Variants in TUBGCP5 observed in about 807,000 individuals in gnomAD.
The protein encoded by TUBGCP5 is tubulin gamma complex component 5.
TUBGCP5 carries 98 observed loss-of-function variants against 134.7 expected under a neutral mutation model. The observed-to-expected ratio is 0.73, with a 90% confidence interval of 0.62 to 0.86. The LOEUF is 0.86. TUBGCP5 is among the 40% of genes least tolerant of loss of function. TUBGCP5 has a pLI of 0.00. For missense variants in TUBGCP5, 1,150 were observed against 1,244.8 expected (o/e 0.92, Z 1.15); for synonymous variants, 456 against 431.4 (o/e 1.06, Z -0.71).
intron 11 of TUBGCP5, among the ~76,000 whole-genome samples, chr15:23,021,038 G>A (rs956635336): frequency 1.3e-5 from 2 of 152,112 alleles, no homozygotes; most frequent in African/African-American, 2.4e-5. Flanking sequence ...ACAGGTGTTC[G>A]CCACCACACT....
At chr15:22,987,427 A>G (rs1292966819) in intron 23 of TUBGCP5, among the ~76,000 whole-genome samples, 5 of 152,018 alleles carry the variant, frequency 3.3e-5, no homozygotes, top group Non-Finnish European at 7.4e-5. Flanking sequence ...TGGCTCTGGT[A>G]AACTGAAAAA....
chr15:23,005,735 G>C, intron 18 of TUBGCP5, 125 bp from the exon 19 acceptor site: 1 of 1,028,724 alleles, frequency 9.7e-7, no homozygotes, highest in Non-Finnish European at 1.4e-6. Flanking sequence ...TGGCAGGGGT[G>C]GCAGGAACCG....
intron 6 of TUBGCP5, 24 bp from the exon 7 acceptor site, chr15:23,027,330 T>C: frequency 6.3e-7 from 1 of 1,598,096 alleles, no homozygotes; most frequent in Non-Finnish European, 8.6e-7. Flanking sequence ...ATGTAATCAG[T>C]TTGAGTTAAC....
chr15:23,036,316 T>G (rs2066589032), intron 3 of TUBGCP5, among the ~76,000 whole-genome samples: 1 of 152,164 alleles, frequency 6.6e-6, no homozygotes, highest in African/African-American at 2.4e-5. Context: ...CTGAGAGAAT[T>G]AACTGCATCC....
At chr15:22,994,310 G>C (rs2063972300), downstream of TUBGCP5, among the ~76,000 whole-genome samples, 1 of 151,776 alleles carries the variant, frequency 6.6e-6, no homozygotes, top group African/African-American at 2.4e-5. Context: ...GGTTGGTCTT[G>C]AACTCGTGAC....
At chr15:23,036,241 G>C (rs2066583127) in intron 3 of TUBGCP5, among the ~76,000 whole-genome samples, 1 of 152,134 alleles carries the variant, frequency 6.6e-6, no homozygotes, top group Non-Finnish European at 1.5e-5. Flanking sequence ...GGTCACCAAG[G>C]CTCAGCCGAG....
intron 7 of TUBGCP5, among the ~76,000 whole-genome samples, 162 bp from the exon 8 acceptor site, chr15:23,026,367 A>C (rs993981481): frequency 2.0e-5 from 3 of 152,208 alleles, no homozygotes; most frequent in Non-Finnish European, 4.4e-5. Flanking sequence ...TGTCAATCAG[A>C]ATACTCTGAG....
intron 16 of TUBGCP5, among the ~76,000 whole-genome samples, chr15:23,008,019 C>A (rs2064825842): frequency 6.6e-6 from 1 of 152,136 alleles, no homozygotes; most frequent in South Asian, 2.1e-4. Context: ...AGCACTGACT[C>A]CAGCCATGTG....
chr15:23,010,106 G>A lies in TUBGCP5; in HGVS notation c.1983C>T (p.His661=), dbSNP rs143728961. 3.7e-5 allele frequency: 60 copies of A among 1,613,708 alleles called. No homozygotes were observed. The East Asian group carries it at 5.6e-4, about 15-fold the overall frequency. Residue 661 remains histidine, a synonymous_variant, in exon 15 of 23, where the codon CAC becomes CAT. Coordinates refer to ENST00000615383, the MANE Select transcript of TUBGCP5 (RefSeq NM_052903.6). ...ATACATCACCACCAGCAAACTTCTC[G>A]TGAAAGTCACTCTGCTCCAAATACA... ...ARMYLEQSDF[H]EKFAGGDVCV...
intron 1 of TUBGCP5, among the ~76,000 whole-genome samples, chr15:23,037,996 C>A (rs1234335979): frequency 6.6e-6 from 1 of 152,156 alleles, no homozygotes; most frequent in Non-Finnish European, 1.5e-5. Context: ...GATCTCCTGA[C>A]CTCGTGATCC....
chr15:23,021,997 G>C lies in TUBGCP5; in HGVS notation c.1333C>G (p.Leu445Val), dbSNP rs144094013. 1 of 1,614,134 alleles carries C rather than the reference G, an allele frequency of 6.2e-7. No homozygotes were observed. The highest frequency in any genetic ancestry group is 2.2e-5 in the East Asian group (1 of 44,878). ...GCTTCTCCAACATTGTCATATTCAA[G>C]AATGGCCTTGTACAGGGTGTTAAGC... ...HLLNTLYKAI[L>V]EYDNVGEASE... Residue 445 changes from leucine (L) to valine (V), a missense_variant, in exon 11 of 23, where the codon CTT (leucine) becomes GTT (valine). Physicochemically the swap from Leu to Val is conservative, Grantham distance 32. Coordinates refer to ENST00000615383, the MANE Select transcript of TUBGCP5 (RefSeq NM_052903.6).
At chr15:22,995,409 C>T (rs776260590), downstream of TUBGCP5, among the ~76,000 whole-genome samples, 18 of 151,788 alleles carry the variant, frequency 1.2e-4, no homozygotes, top group Non-Finnish European at 1.8e-4. Flanking sequence ...TGTTCGTGGT[C>T]CCCCATAGGA....
chr15:23,021,857 C>G (rs1310967040), intron 11 of TUBGCP5, 102 bp downstream of exon 11: 4 of 1,255,938 alleles, frequency 3.2e-6, no homozygotes, highest in African/African-American at 3.0e-5. Flanking sequence ...AACTGTCTGA[C>G]GAGTCATCAT....
At chr15:23,026,348 A>G (rs892122614) in intron 7 of TUBGCP5, 143 bp from the exon 8 acceptor site, 4 of 647,264 alleles carry the variant, frequency 6.2e-6, no homozygotes. Flanking sequence ...AATGCCCCCT[A>G]TATTTTCATG....
chr15:22,995,638 C>T (rs1281093857), downstream of TUBGCP5, among the ~76,000 whole-genome samples: 2 of 151,976 alleles, frequency 1.3e-5, no homozygotes, highest in Non-Finnish European at 2.9e-5. Flanking sequence ...TCTGCATTTC[C>T]ACCAGTAATG....
chr15:23,025,244 G>A (rs930578975), intron 8 of TUBGCP5, among the ~76,000 whole-genome samples: 4 of 152,076 alleles, frequency 2.6e-5, no homozygotes, highest in Non-Finnish European at 5.9e-5. Context: ...GGGCAAAAAG[G>A]TCAGATAATA....
intron 2 of TUBGCP5, 34 bp downstream of exon 2, chr15:23,037,065 A>G (rs761879898): frequency 6.2e-7 from 1 of 1,603,730 alleles, no homozygotes; most frequent in Non-Finnish European, 8.5e-7. Context: ...AAATACATAT[A>G]TTTCTGGATG....
At chr15:23,008,260 C>A (rs1391386107) in intron 16 of TUBGCP5, among the ~76,000 whole-genome samples, 1 of 151,980 alleles carries the variant, frequency 6.6e-6, no homozygotes, top group Non-Finnish European at 1.5e-5. Flanking sequence ...TAGCTAGCCT[C>A]TGCCTCAATT....
chr15:22,989,958 G>T lies in TUBGCP5; in HGVS notation c.*62-6347C>A, dbSNP rs1317658227. Among the ~76,000 whole-genome samples, 3 of 152,070 alleles carry T rather than the reference G, an allele frequency of 2.0e-5. No homozygotes were observed. The East Asian group carries it at 5.8e-4, about 29-fold the overall frequency. Reference sequence around the variant, plus strand: ...AAGAACCCAACCACACGTCTCCCTGGTGCCCGCCTGGATCTCTCACCTCCT... The same window carrying T: ...AAGAACCCAACCACACGTCTCCCTGTTGCCCGCCTGGATCTCTCACCTCCT... On this transcript the variant is annotated intron_variant and NMD_transcript_variant, in intron 23 of 23. Coordinates refer to the TUBGCP5 transcript ENST00000614508.
Sources: gnomAD v4.1 joint callset for allele counts (sites outside exome capture counted in the v4.1 genomes callset) on GRCh38, gnomAD v4.1.1 for gene constraint, MANE v1.5 for transcripts, NCBI Gene and HGNC (gene_info 2026-07-23, HGNC 2026-07-21) for gene names.